OPHN1: variants seen among roughly 807,000 people sequenced by gnomAD.
OPHN1 encodes the protein oligophrenin-1.
In OPHN1, 11 loss-of-function variants were observed where a neutral mutation model predicts 60.7. That is an observed-to-expected ratio of 0.18 (90% CI 0.11 to 0.30). OPHN1 has a LOEUF of 0.30. OPHN1 is among the 10% of genes least tolerant of loss of function. The probability of loss-of-function intolerance (pLI) is 1.00; values close to 1 mark genes in which losing one functional copy is unlikely to be tolerated. For missense variants in OPHN1, 449 were observed against 611.0 expected, an observed-to-expected ratio of 0.73 and a Z score of 2.80; for synonymous variants, 226 against 222.6, an observed-to-expected ratio of 1.02 and a Z score of -0.14.
At chrX:68,052,694 A>G in intron 22 of OPHN1, 104 bp from the exon 23 acceptor site, 1 of 724,383 alleles carries the variant, frequency 1.4e-6, no homozygotes, top group Non-Finnish European at 2.1e-6. Context: ...TGGGACACCA[A>G]TGCCAGCCCC....
At chrX:68,153,220 A>G (rs188607118) in intron 15 of OPHN1, among the ~76,000 whole-genome samples, 28 of 109,712 alleles carry the variant, frequency 2.6e-4, no homozygotes, top group Admixed American at 4.9e-4. Context: ...CAAAAAAAAA[A>G]AAAAAAGAAA....
upstream of OPHN1, chrX:68,433,602 G>A (rs965763861): frequency 1.2e-4 from 35 of 294,249 alleles, no homozygotes; most frequent in Non-Finnish European, 2.0e-4. Context: ...GGAGCGCTCT[G>A]GCTCCTTCCT....
chrX:68,274,123 C>A (rs1171362013), intron 5 of OPHN1, among the ~76,000 whole-genome samples: 2 of 111,805 alleles, frequency 1.8e-5, no homozygotes, highest in African/African-American at 6.5e-5. Flanking sequence ...TCACCTCCCA[C>A]TGGGCCCCAC....
chrX:68,320,818 G>C (rs2078231824), intron 2 of OPHN1, among the ~76,000 whole-genome samples: 1 of 111,302 alleles, frequency 9.0e-6, no homozygotes, highest in Admixed American at 9.6e-5. Context: ...TTCAAGTTGG[G>C]GTACCCATTA....
At chrX:68,418,296 C>A (rs1265120735) in intron 2 of OPHN1, among the ~76,000 whole-genome samples, 1 of 111,379 alleles carries the variant, frequency 9.0e-6, no homozygotes, top group East Asian at 2.8e-4. Context: ...AAGGCAAGGT[C>A]TCTAAGAGGG....
chrX:68,101,976 A>T (rs1461972162), intron 18 of OPHN1: 2 of 112,370 alleles, frequency 1.8e-5, no homozygotes, highest in Non-Finnish European at 3.8e-5. Flanking sequence ...GAAATATATG[A>T]CAAAGAAGAA....
Position 68,119,394 on chromosome X carries a change from T to C in OPHN1, c.1277-62A>G, listed in dbSNP as rs767971376. ...CATCAAAAAAATCTTACATTTTCCCTCTTTTAAAAGAAAAACAAAGTATAT... is the reference window on the plus strand; with the variant it reads ...CATCAAAAAAATCTTACATTTTCCCCCTTTTAAAAGAAAAACAAAGTATAT... On this transcript the variant is annotated intron_variant, in intron 15 of 24. Coordinates refer to ENST00000355520, the MANE Select transcript of OPHN1 (RefSeq NM_002547.3). 7.6e-4 allele frequency: 669 copies of C among 878,094 alleles called. 4 individuals carry two copies. In the African/African-American group the frequency reaches 0.012, roughly 15 times the overall value. 72.4% of individuals were successfully genotyped at this position (878,094 alleles called of 1,213,427 possible). A position where few individuals can be genotyped will look rare whatever the true frequency, so the allele number is the denominator to read the frequency against.
At position 68,178,257 on chromosome X, in the gene OPHN1, T is replaced by C. The variant is rs544508096; in HGVS notation, c.1276+14662A>G. ...TTTGTTGAAGAGTTCAAAATTCAAA[T>C]TGTGCAAAGGGTTTTATAAGGTGAA... On this transcript the variant is annotated intron_variant, in intron 15 of 24. Transcript: ENST00000355520. Among the ~76,000 whole-genome samples the C allele has an allele frequency of 3.6e-5, 4 of 112,019 alleles. No individual in the cohort carries two copies. In the South Asian group the frequency reaches 1.5e-3, roughly 42 times the overall value.
chrX:68,066,841 G>A (rs760190834), intron 20 of OPHN1, among the ~76,000 whole-genome samples: 1 of 112,259 alleles, frequency 8.9e-6, no homozygotes, highest in East Asian at 2.8e-4. Flanking sequence ...TACTCTTTCT[G>A]AAGAGAGTTC....
At chrX:68,130,502 G>T (rs970066684) in intron 15 of OPHN1, among the ~76,000 whole-genome samples, 3 of 110,944 alleles carry the variant, frequency 2.7e-5, no homozygotes, top group African/African-American at 9.8e-5. Context: ...TACTAAAGAG[G>T]GAAATTATTG....
intron 6 of OPHN1, among the ~76,000 whole-genome samples, chrX:68,219,690 T>A (rs2077641234): frequency 9.1e-6 from 1 of 110,125 alleles, no homozygotes; most frequent in African/African-American, 3.3e-5. Flanking sequence ...ACTGGGTACA[T>A]AACGAAATGA....
chrX:68,360,212 T>C (rs2147716741), intron 2 of OPHN1, among the ~76,000 whole-genome samples: 1 of 110,981 alleles, frequency 9.0e-6, no homozygotes, highest in South Asian at 3.8e-4. Context: ...GAGATCTCAC[T>C]CTGTCTCCCA....
chrX:68,419,017 T>G (rs1295059096), intron 2 of OPHN1, among the ~76,000 whole-genome samples: 1 of 110,796 alleles, frequency 9.0e-6, no homozygotes, highest in Non-Finnish European at 1.9e-5. Context: ...GTTGTTTGTT[T>G]GTTTTTTTGA....
rs1434530886 is a variant in OPHN1, at chrX:68,270,447, G to A, written c.384+4291C>T. Among the ~76,000 whole-genome samples the A allele has an allele frequency of 4.6e-5, 5 of 109,534 alleles. No individual in the cohort carries two copies. In the Admixed American group the frequency reaches 4.9e-4, roughly 11 times the overall value. On this transcript the variant is annotated intron_variant, in intron 5 of 24. Coordinates refer to ENST00000355520, the MANE Select transcript of OPHN1 (RefSeq NM_002547.3). ...AGTTCATGTCCTTTGTGGGGACATG[G>A]ATGAAGCTGGAAACCATTATTCTCA...
At chrX:68,313,128 A>G (rs750872825) in intron 2 of OPHN1, among the ~76,000 whole-genome samples, 1 of 111,385 alleles carries the variant, frequency 9.0e-6, no homozygotes, top group African/African-American at 3.3e-5. Flanking sequence ...ATAAATAAGA[A>G]AGAAAGGAAA....
chrX:68,256,191 T>C (rs903426109), intron 5 of OPHN1, among the ~76,000 whole-genome samples: 1 of 111,395 alleles, frequency 9.0e-6, no homozygotes, highest in African/African-American at 3.3e-5. Context: ...CTCACCGCCC[T>C]AATCTTATTC....
chrX:68,073,197 G>A lies in OPHN1; in HGVS notation c.1789C>T (p.Arg597Ter). 2 of 1,211,115 alleles carry A rather than the reference G, an allele frequency of 1.7e-6. No homozygotes were observed. Among genetic ancestry groups the A allele is most frequent in the Non-Finnish European group, 1.1e-6 (1 of 895,136 alleles). The change falls in exon 20 of 25, where the codon CGA becomes TGA. Residue 597 changes from arginine to a stop codon, truncating the protein, a stop_gained. Coordinates refer to ENST00000355520, the MANE Select transcript of OPHN1 (RefSeq NM_002547.3). LOFTEE classifies it high-confidence loss of function. ...GAAGTATAGAAAACCGTCCTTTCTC[G>A]CAGCAAGCGCTTTGAAATCGTGATT... ...KPITISKRLL[R>*]ERTVFYTSSL...
At chrX:68,279,440 G>A (rs995081225) in intron 4 of OPHN1, among the ~76,000 whole-genome samples, 2 of 108,907 alleles carry the variant, frequency 1.8e-5, no homozygotes, top group East Asian at 5.8e-4. Flanking sequence ...AACATCACAG[G>A]GATGCCCTTC....
chrX:68,378,329 C>T (rs1256002222), intron 2 of OPHN1, among the ~76,000 whole-genome samples: 4 of 111,247 alleles, frequency 3.6e-5, no homozygotes, highest in South Asian at 3.8e-4. Flanking sequence ...TTCTGGATAT[C>T]AGCCCTTTGT....
Sources: gnomAD v4.1 joint callset for allele counts (sites outside exome capture counted in the v4.1 genomes callset) on GRCh38, gnomAD v4.1.1 for gene constraint, MANE v1.5 for transcripts, NCBI Gene and HGNC (gene_info 2026-07-23, HGNC 2026-07-21) for gene names.